STRBP: variants seen among roughly 807,000 people sequenced by gnomAD.
The protein encoded by STRBP is spermatid perinuclear RNA-binding protein.
STRBP carries 13 observed loss-of-function variants against 80.1 expected under a neutral mutation model. The observed-to-expected ratio is 0.16, with a 90% CI of 0.11 to 0.26. The LOEUF (loss-of-function observed/expected upper bound fraction) is 0.26, where lower values mean the gene tolerates loss of function less well. Among genes scored for constraint, STRBP ranks in the 10% least tolerant of loss-of-function variants. STRBP has a pLI of 1.00. For synonymous variants in STRBP, 284 were observed against 291.2 expected (o/e 0.98, Z 0.25); for missense variants, 485 against 815.2 (o/e 0.59, Z 4.93).
chr9:123,175,226 T>G (rs1456387308), intron 4 of STRBP, among the ~76,000 whole-genome samples: 1 of 152,158 alleles, frequency 6.6e-6, no homozygotes, highest in Non-Finnish European at 1.5e-5. Flanking sequence ...GTCCCTTACA[T>G]TATATGATTG....
chr9:123,205,535 T>C (rs1004401518), intron 2 of STRBP, among the ~76,000 whole-genome samples: 2 of 152,210 alleles, frequency 1.3e-5, no homozygotes, highest in Non-Finnish European at 2.9e-5. Context: ...CAAGCAGTAA[T>C]GTTAACAAAT....
chr9:123,258,139 T>G (rs1460074261), intron 1 of STRBP, among the ~76,000 whole-genome samples: 1 of 152,160 alleles, frequency 6.6e-6, no homozygotes, highest in Non-Finnish European at 1.5e-5. Context: ...TTCATTCAAA[T>G]ACTCGGGTTC....
At position 123,135,882 on chromosome 9, in the gene STRBP, A is replaced by G. The variant is rs56733344; in HGVS notation, c.1773+159T>C. ...CCATAGAACATGAAACCACTAATCA[A>G]ATTTATATTATTCGTGACCTAACCC... On this transcript the variant is annotated intron_variant, in intron 16 of 18. Coordinates refer to ENST00000348403, the MANE Select transcript of STRBP (RefSeq NM_018387.5). 3,811 of 810,118 alleles carry G rather than the reference A, an allele frequency of 4.7e-3. 103 individuals are homozygous for G. In the African/African-American group the frequency reaches 0.058, roughly 12 times the overall value. 50.2% of individuals were successfully genotyped at this position (810,118 alleles called of 1,614,324 possible). A position where few individuals can be genotyped will look rare whatever the true frequency, so the allele number is the denominator to read the frequency against.
chr9:123,199,091 C>T (rs1033137826), intron 2 of STRBP, among the ~76,000 whole-genome samples: 3 of 152,252 alleles, frequency 2.0e-5, no homozygotes, highest in Admixed American at 6.5e-5. Context: ...ACTACAGGCA[C>T]GTGCCACCAC....
At chr9:123,189,165 T>C (rs974300066) in intron 2 of STRBP, among the ~76,000 whole-genome samples, 14 of 151,662 alleles carry the variant, frequency 9.2e-5, no homozygotes, top group African/African-American at 3.4e-4. Flanking sequence ...TGCAGGGACA[T>C]GGATGAAGCT....
At chr9:123,161,505 C>A (rs545205274) in intron 6 of STRBP, among the ~76,000 whole-genome samples, 14 of 151,990 alleles carry the variant, frequency 9.2e-5, no homozygotes, top group Non-Finnish European at 1.8e-4. Context: ...TTAAGGAAAA[C>A]TGGAAATCAA....
intron 11 of STRBP, among the ~76,000 whole-genome samples, chr9:123,153,315 C>T (rs545530208): frequency 1.7e-4 from 26 of 152,000 alleles, no homozygotes; most frequent in South Asian, 1.7e-3. Context: ...CTCAGCCTCC[C>T]GAGTAGCTGG....
intron 2 of STRBP, among the ~76,000 whole-genome samples, chr9:123,225,893 TTGG>T (rs1409977617): frequency 3.3e-5 from 5 of 152,184 alleles, no homozygotes; most frequent in African/African-American, 1.2e-4. Flanking sequence ...GAAAAACAGT[TTGG>T]TGGTTTTTTA....
intron 2 of STRBP, among the ~76,000 whole-genome samples, chr9:123,196,925 T>C (rs1588083293): frequency 6.6e-6 from 1 of 152,134 alleles, no homozygotes; most frequent in South Asian, 2.1e-4. Flanking sequence ...ATCGAAAAGG[T>C]AACTGCACTC....
intron 11 of STRBP, among the ~76,000 whole-genome samples, chr9:123,154,689 G>A (rs1018340535): frequency 2.6e-5 from 4 of 152,182 alleles, no homozygotes; most frequent in Non-Finnish European, 5.9e-5. Flanking sequence ...TGGCTAAGAT[G>A]AGGACTGAAA....
In STRBP at chr9:123,122,793, T is replaced by A; in HGVS notation, c.*2804A>T. On this transcript the variant is annotated 3_prime_UTR_variant, in exon 19 of 19. Coordinates refer to ENST00000348403, the MANE Select transcript of STRBP (RefSeq NM_018387.5). ...ACGCAGTCAGGAATGTAACTATTTA[T>A]GTGCTAAAAAGTGTAAAAAACTGTC... 1.0e-6 allele frequency: 1 copy of A among 990,504 alleles called. No individual in the cohort carries two copies. The highest frequency in any genetic ancestry group is 1.2e-6 in the Non-Finnish European group (1 of 833,248). The allele number at this position is 990,504 out of a possible 1,614,324, so 61.4% of individuals were successfully genotyped here.
intron 2 of STRBP, among the ~76,000 whole-genome samples, chr9:123,218,321 T>C (rs1003710115): frequency 7.3e-5 from 11 of 151,250 alleles, no homozygotes; most frequent in African/African-American, 2.7e-4. Context: ...ATAACCTAAA[T>C]GAATTATACA....
At chr9:123,149,529 G>A (rs757052416) in intron 11 of STRBP, among the ~76,000 whole-genome samples, 2 of 152,130 alleles carry the variant, frequency 1.3e-5, no homozygotes, top group Non-Finnish European at 2.9e-5. Flanking sequence ...TATGGATTAA[G>A]CTTCATTCTA....
intron 16 of STRBP, among the ~76,000 whole-genome samples, chr9:123,133,253 T>C (rs1335937762): frequency 3.9e-5 from 6 of 152,238 alleles, no homozygotes; most frequent in South Asian, 4.1e-4. Context: ...TCCAAAGTCA[T>C]TTTAGGCCTT....
In STRBP at chr9:123,128,272, G is replaced by A; in HGVS notation, c.1898-14C>T. On this transcript the variant is annotated splice_polypyrimidine_tract_variant and intron_variant, in intron 17 of 18. Coordinates refer to ENST00000348403, the MANE Select transcript of STRBP (RefSeq NM_018387.5). ...GTGTTCCATAGCCTAGTGCAAAGAAGAAGAAGGCAGATCAGTCCAAGACCC... is the reference window on the plus strand; with the variant it reads ...GTGTTCCATAGCCTAGTGCAAAGAAAAAGAAGGCAGATCAGTCCAAGACCC... 1 of 1,614,170 alleles carries A rather than the reference G, an allele frequency of 6.2e-7. No individual in the cohort carries two copies. The highest frequency in any genetic ancestry group is 8.5e-7 in the Non-Finnish European group (1 of 1,180,022).
intron 1 of STRBP, among the ~76,000 whole-genome samples, chr9:123,250,513 TAA>T (rs941471411): frequency 3.3e-5 from 5 of 149,332 alleles, no homozygotes; most frequent in African/African-American, 9.8e-5. Flanking sequence ...GGTCTATAGT[TAA>T]AAAAAAAAGT....
chr9:123,185,111 C>A (rs1023328536), intron 2 of STRBP, among the ~76,000 whole-genome samples: 6 of 151,000 alleles, frequency 4.0e-5, no homozygotes, highest in African/African-American at 9.7e-5. Context: ...AAAAAAAAAA[C>A]CAGAACATCA....
intron 1 of STRBP, among the ~76,000 whole-genome samples, chr9:123,248,022 T>C (rs1388160566): frequency 1.3e-5 from 2 of 152,216 alleles, no homozygotes; most frequent in Admixed American, 1.3e-4. Flanking sequence ...GCACAAGGTA[T>C]ACACAAGGTG....
At chr9:123,212,871 T>A (rs2039759839) in intron 2 of STRBP, among the ~76,000 whole-genome samples, 1 of 152,168 alleles carries the variant, frequency 6.6e-6, no homozygotes, top group African/African-American at 2.4e-5. Flanking sequence ...ATTTCACAGA[T>A]AAAAGGGCCA....
Sources: allele counts gnomAD v4.1 joint callset (sites outside exome capture counted in the v4.1 genomes callset), GRCh38; gene constraint gnomAD v4.1.1; transcripts MANE v1.5; gene names NCBI Gene and HGNC (gene_info 2026-07-23, HGNC 2026-07-21).